The following COPS8 variants were observed in gnomAD, a reference collection of about 807,000 sequenced individuals.
The protein encoded by COPS8 is COP9 signalosome complex subunit 8.
A neutral mutation model predicts 31.5 loss-of-function variants in COPS8; 11 were observed. That is an observed-to-expected ratio of 0.35 (90% confidence interval 0.22 to 0.58). COPS8 has a LOEUF of 0.58. Among genes scored for constraint, COPS8 ranks in the 20% least tolerant of loss-of-function variants. COPS8 has a pLI of 0.83. For missense variants in COPS8, 215 were observed against 255.1 expected (o/e 0.84, Z 1.07); for synonymous variants, 81 against 89.3 (o/e 0.91, Z 0.52).
chr2:237,090,512 A>G (rs1347474134), intron 4 of COPS8, among the ~76,000 whole-genome samples: 1 of 152,182 alleles, frequency 6.6e-6, no homozygotes, highest in Non-Finnish European at 1.5e-5. Context: ...ACAGTCTCTC[A>G]CCCCTAGCAT....
At chr2:237,090,414 C>T (rs913498914) in intron 4 of COPS8, among the ~76,000 whole-genome samples, 2 of 152,184 alleles carry the variant, frequency 1.3e-5, no homozygotes, top group Non-Finnish European at 2.9e-5. Flanking sequence ...CATAGATGCT[C>T]AAATGTGTTT....
rs139407840 is a variant in COPS8, at chr2:237,100,470, G to C, written c.*2728G>C. ...AATAAACACTCTCTTCCTTGTCTCA[G>C]GGCAGACTATTTCCAATGTGTTCTA... On this transcript the variant is annotated 3_prime_UTR_variant, in exon 8 of 8. Coordinates refer to ENST00000354371, the MANE Select transcript of COPS8 (RefSeq NM_006710.5). 4.5e-4 allele frequency: 69 copies of C among 152,256 alleles called. No homozygotes were observed. Among genetic ancestry groups the C allele is most frequent in the African/African-American group, 1.4e-3 (58 of 41,538 alleles). 9.4% of individuals were successfully genotyped at this position (152,256 alleles called of 1,614,324 possible).
rs780919409 is a variant in COPS8 at position 237,094,140 on chromosome 2, A to C, written c.382A>C (p.Ile128Leu). 6.2e-7 allele frequency: 1 copy of C among 1,614,100 alleles called. No homozygotes were observed. Among genetic ancestry groups the C allele is most frequent in the Non-Finnish European group, 8.5e-7 (1 of 1,179,966 alleles). ...CCTGGTCTCTCAAGCGTATACTTCA[A>C]TCATCGCCGATGATTTTGCAGCCTT... ...FALVSQAYTSIIADDFAAFVG... is the reference protein window; with the variant it reads ...FALVSQAYTSLIADDFAAFVG... The change falls in exon 5 of 8, where the codon ATC (isoleucine) becomes CTC (leucine). Residue 128 changes from isoleucine to leucine, a missense_variant. Ile to Leu is a conservative substitution (Grantham distance 5). Coordinates refer to ENST00000354371, the MANE Select transcript of COPS8 (RefSeq NM_006710.5).
In COPS8 at chr2:237,099,700, A is replaced by G. The variant is rs79434905; in HGVS notation, c.*1958A>G. 1.8e-4 allele frequency: 27 copies of G among 152,320 alleles called. No individual in the cohort carries two copies. Among genetic ancestry groups the G allele is most frequent in the African/African-American group, 6.0e-4 (25 of 41,590 alleles). The allele number at this position is 152,320 out of a possible 1,614,324, so 9.4% of individuals were successfully genotyped here. On this transcript the variant is annotated 3_prime_UTR_variant, in exon 8 of 8. Transcript: ENST00000354371. ...CAGTTCAGTAACAATGAGCACCACT[A>G]GTACCCAGATGGTGTTCTTTCATTT...
intron 4 of COPS8, among the ~76,000 whole-genome samples, chr2:237,090,739 G>A (rs1294036795): frequency 1.3e-5 from 2 of 152,180 alleles, no homozygotes; most frequent in Non-Finnish European, 2.9e-5. Context: ...GCAGCAGACA[G>A]CAGAGATTGT....
intron 5 of COPS8, among the ~76,000 whole-genome samples, chr2:237,094,489 T>C (rs1696758912): frequency 6.6e-6 from 1 of 152,164 alleles, no homozygotes; most frequent in African/African-American, 2.4e-5. Flanking sequence ...TTCACCCTTA[T>C]TTGATAAAGG....
intron 4 of COPS8, among the ~76,000 whole-genome samples, chr2:237,093,453 C>T (rs1382567329): frequency 6.6e-6 from 1 of 152,174 alleles, no homozygotes; most frequent in Non-Finnish European, 1.5e-5. Context: ...CTACCGTACT[C>T]CTGAGTTTAT....
At chr2:237,090,060 A>C (rs1696679305) in intron 4 of COPS8, 66 bp downstream of exon 4, 1 of 1,522,276 alleles carries the variant, frequency 6.6e-7, no homozygotes, top group African/African-American at 1.4e-5. Flanking sequence ...TGCAGTGTTG[A>C]AGTAATAAAT....
chr2:237,094,601 T>C (rs1003829889), intron 5 of COPS8, among the ~76,000 whole-genome samples: 2 of 152,186 alleles, frequency 1.3e-5, no homozygotes, highest in African/African-American at 2.4e-5. Context: ...TCTCCAAATG[T>C]AACTTTGCAT....
At chr2:237,087,262 C>A in intron 2 of COPS8, 65 bp downstream of exon 2, 1 of 1,172,374 alleles carries the variant, frequency 8.5e-7, no homozygotes, top group Non-Finnish European at 1.2e-6. Context: ...AATATTTCTG[C>A]ACTGAAGTAG....
At position 237,085,994 on chromosome 2, in the gene COPS8, C is replaced by T. The variant is rs370080227; in HGVS notation, c.30C>T (p.Ala10=). 17 of 1,613,434 alleles carry T rather than the reference C, an allele frequency of 1.1e-5. No homozygotes were observed. The highest frequency in any genetic ancestry group is 1.4e-5 in the Non-Finnish European group (17 of 1,179,620). The change falls in exon 1 of 8, where the codon GCC becomes GCT. Residue 10 remains alanine (A), a synonymous_variant. Transcript: ENST00000354371. The part of the protein sequence containing the change: MPVAVMAES[A]FSFKKLLDQC... ...CAGTGGCGGTGATGGCGGAAAGCGC[C>T]TTTAGTTTCAAAAAGTTGCTGGATC...
Position 237,096,813 on chromosome 2 carries a change from TG to T in COPS8, c.503-8del. Reference sequence around the variant, plus strand: ...TAAATTGAGCTGTACATTTTTTTTTTGAATTTAGTTGCAGGGGCCCTGGATG... The same window carrying T: ...TAAATTGAGCTGTACATTTTTTTTTTAATTTAGTTGCAGGGGCCCTGGATG... On this transcript the variant is annotated splice_region_variant and splice_polypyrimidine_tract_variant and intron_variant, in intron 6 of 7. Coordinates refer to ENST00000354371, the MANE Select transcript of COPS8 (RefSeq NM_006710.5). 2.5e-6 allele frequency: 4 copies of T among 1,607,610 alleles called. No individual in the cohort carries two copies. In the East Asian group the frequency reaches 8.9e-5, roughly 36 times the overall value.
At chr2:237,093,374 GA>G (rs1409355137) in intron 4 of COPS8, among the ~76,000 whole-genome samples, 3 of 152,200 alleles carry the variant, frequency 2.0e-5, no homozygotes, top group Non-Finnish European at 4.4e-5. Flanking sequence ...CCACCAGGTG[GA>G]GGAGCTCTTG....
Position 237,090,133 on chromosome 2 carries a change from A to G in COPS8, c.331+139A>G, listed in dbSNP as rs1696680488. 3 of 760,396 alleles carry G rather than the reference A, an allele frequency of 3.9e-6. No individual in the cohort carries two copies. In the South Asian group the frequency reaches 9.4e-5, roughly 24 times the overall value. The allele number at this position is 760,396 out of a possible 1,614,324, so 47.1% of individuals were successfully genotyped here. The stretch of plus-strand genomic sequence containing the variant: ...AAAAGAGCAGTTTTCAGAATTTTTT[A>G]GATTTGCCCTAATCATGCTTCTTCA... On this transcript the variant is annotated intron_variant, in intron 4 of 7. Transcript: ENST00000354371.
chr2:237,085,932 C>A lies in COPS8; in HGVS notation c.-33C>A, dbSNP rs62621255. On this transcript the variant is annotated 5_prime_UTR_variant, in exon 1 of 8. Transcript: ENST00000354371. Reference sequence around the variant, plus strand: ...GAGGGACAGTCTGGGGTTTGGCTGTCCGGACGGTGCAGCGGCGAGGCCGGC... The same window carrying A: ...GAGGGACAGTCTGGGGTTTGGCTGTACGGACGGTGCAGCGGCGAGGCCGGC... The A allele has an allele frequency of 3.1e-6, 5 of 1,603,564 alleles. No homozygotes were observed. Among genetic ancestry groups the A allele is most frequent in the Admixed American group, 3.4e-5 (2 of 58,968 alleles).
intron 6 of COPS8, 69 bp from the exon 7 acceptor site, chr2:237,096,753 G>A (rs562131487): frequency 2.5e-6 from 3 of 1,205,522 alleles, no homozygotes; most frequent in Admixed American, 1.8e-5. Context: ...GCTGAAAATA[G>A]CATGTTCTAT....
chr2:237,088,845 G>A (rs1267243067), intron 3 of COPS8, among the ~76,000 whole-genome samples, 192 bp downstream of exon 3: 1 of 152,136 alleles, frequency 6.6e-6, no homozygotes, highest in African/African-American at 2.4e-5. Context: ...TAGAATTTCT[G>A]CTCAGTTCCT....
chr2:237,097,565 T>G (rs972961083), intron 7 of COPS8, 98 bp from the exon 8 acceptor site: 9 of 738,070 alleles, frequency 1.2e-5, no homozygotes, highest in Non-Finnish European at 1.8e-5. Context: ...GTTAACTTAC[T>G]GTTAAAAATT....
intron 4 of COPS8, among the ~76,000 whole-genome samples, chr2:237,090,396 G>A (rs1559299139): frequency 6.6e-6 from 1 of 152,162 alleles, no homozygotes; most frequent in Non-Finnish European, 1.5e-5. Flanking sequence ...TAATTTATCA[G>A]TTTAATACAT....
Sources: allele counts gnomAD v4.1 joint callset (sites outside exome capture counted in the v4.1 genomes callset), GRCh38; gene constraint gnomAD v4.1.1; transcripts MANE v1.5; gene names NCBI Gene and HGNC (gene_info 2026-07-23, HGNC 2026-07-21).